Variants in ARID5B observed in about 807,000 individuals in gnomAD.
ARID5B encodes the protein AT-rich interaction domain 5B.
Under a neutral mutation model 97.2 loss-of-function variants are expected in ARID5B, and 13 were observed. That is an observed-to-expected ratio of 0.13 (90% CI 0.09 to 0.21). The LOEUF is 0.21. ARID5B is among the 10% of genes least tolerant of loss of function. The pLI, the probability that ARID5B is intolerant of heterozygous loss-of-function variation, is 1.00. For synonymous variants in ARID5B, 556 were observed against 570.3 expected (o/e 0.97, Z 0.36); for missense variants, 1,210 against 1,465.3 (o/e 0.83, Z 2.84).
Position 62,095,083 on chromosome 10 carries a change from AT to A in ARID5B, c.*2056del. 1 of 229,090 alleles carries A rather than the reference AT, an allele frequency of 4.4e-6. No individual in the cohort carries two copies. Among genetic ancestry groups the A allele is most frequent in the Non-Finnish European group, 8.7e-6 (1 of 115,342 alleles). 14.2% of individuals were successfully genotyped at this position (229,090 alleles called of 1,614,324 possible). On this transcript the variant is annotated 3_prime_UTR_variant, in exon 10 of 10. Coordinates refer to ENST00000279873, the MANE Select transcript of ARID5B (RefSeq NM_032199.3). ...AGAGTTCCATTTGCTTCAATTAATT[AT>A]TTACCTTCCTGTGGAATAATATATA...
At chr10:62,027,790 CCTT>C (rs1260911076) in intron 4 of ARID5B, among the ~76,000 whole-genome samples, 1 of 152,142 alleles carries the variant, frequency 6.6e-6, no homozygotes, top group African/African-American at 2.4e-5. Context: ...GCCAATTTCT[CCTT>C]CTATTCTGGA....
intron 3 of ARID5B, among the ~76,000 whole-genome samples, chr10:61,980,489 A>T (rs1239535877): frequency 6.6e-6 from 1 of 152,202 alleles, no homozygotes. Context: ...TTCCTGTGGA[A>T]CAACTGGGAG....
intron 3 of ARID5B, among the ~76,000 whole-genome samples, chr10:61,951,401 C>T (rs190895081): frequency 6.6e-5 from 10 of 152,274 alleles, no homozygotes; most frequent in Admixed American, 1.3e-4. Context: ...AACTCTCTTC[C>T]GTTGGGCAGC....
At chr10:62,078,571 T>G (rs1339471577) in intron 8 of ARID5B, among the ~76,000 whole-genome samples, 1 of 152,092 alleles carries the variant, frequency 6.6e-6, no homozygotes, top group Non-Finnish European at 1.5e-5. Flanking sequence ...TTGAGAAGAG[T>G]CATTGCTGCA....
At chr10:61,968,157 A>G (rs539744875) in intron 3 of ARID5B, among the ~76,000 whole-genome samples, 1 of 141,006 alleles carries the variant, frequency 7.1e-6, no homozygotes, top group East Asian at 2.0e-4. Context: ...TACATTTAAC[A>G]TGGCAAGTCA....
intron 3 of ARID5B, among the ~76,000 whole-genome samples, chr10:61,960,210 T>A (rs1488654008): frequency 6.6e-6 from 1 of 152,192 alleles, no homozygotes; most frequent in Non-Finnish European, 1.5e-5. Context: ...AGACAATAGG[T>A]AATATTCATT....
At chr10:61,992,227 T>C (rs370119423) in intron 3 of ARID5B, among the ~76,000 whole-genome samples, 1 of 152,210 alleles carries the variant, frequency 6.6e-6, no homozygotes, top group East Asian at 1.9e-4. Flanking sequence ...TAAATGTGGC[T>C]AAGATGAACC....
intron 4 of ARID5B, among the ~76,000 whole-genome samples, chr10:62,011,793 T>C (rs544841616): frequency 6.6e-6 from 1 of 152,026 alleles, no homozygotes; most frequent in South Asian, 2.1e-4. Context: ...GTTAGCAGAG[T>C]AGTGAATGAA....
chr10:61,996,963 A>G (rs1403077610), intron 3 of ARID5B, among the ~76,000 whole-genome samples: 1 of 151,974 alleles, frequency 6.6e-6, no homozygotes, highest in African/African-American at 2.4e-5. Flanking sequence ...AAAAAAGTAA[A>G]CTCAGAGTTA....
chr10:61,948,659 C>A (rs1210144402), intron 3 of ARID5B, among the ~76,000 whole-genome samples: 1 of 152,138 alleles, frequency 6.6e-6, no homozygotes, highest in Non-Finnish European at 1.5e-5. Context: ...AGCCACCATG[C>A]CCAGCTGAGG....
At chr10:62,046,599 G>A (rs1839711490) in intron 4 of ARID5B, 2 of 152,204 alleles carry the variant, frequency 1.3e-5, no homozygotes, top group Admixed American at 6.5e-5. Context: ...AACACCTATA[G>A]AAATAGCAGT....
chr10:62,004,096 A>C (rs1342467322), intron 4 of ARID5B, among the ~76,000 whole-genome samples: 1 of 152,196 alleles, frequency 6.6e-6, no homozygotes, highest in Non-Finnish European at 1.5e-5. Flanking sequence ...AATTGAGTAA[A>C]TATATCCTGG....
intron 3 of ARID5B, among the ~76,000 whole-genome samples, chr10:61,976,834 G>C (rs535646545): frequency 5.6e-4 from 84 of 149,222 alleles, no homozygotes; most frequent in African/African-American, 2.0e-3. Flanking sequence ...ATTCATTTGT[G>C]TTTGTGGGAG....
chr10:62,085,841 G>T lies in ARID5B; in HGVS notation c.1339G>T (p.Glu447Ter). The change falls in exon 9 of 10, where the codon GAA becomes TAA. Residue 447 changes from glutamate (E) to a stop codon, truncating the protein, a stop_gained. Transcript: ENST00000279873. LOFTEE classifies it high-confidence loss of function. ...KVSGTKRIKH[E>*]IPKSKKEKEN... ...ATCTGGAACCAAACGCATCAAACATGAAATACCTAAAAGCAAGAAAGAAAA... is the reference window on the plus strand; with the variant it reads ...ATCTGGAACCAAACGCATCAAACATTAAATACCTAAAAGCAAGAAAGAAAA... The T allele has an allele frequency of 6.2e-7, 1 of 1,614,022 alleles. No homozygotes were observed. Among genetic ancestry groups the T allele is most frequent in the Non-Finnish European group, 8.5e-7 (1 of 1,180,016 alleles).
At chr10:61,908,643 C>CA (rs1453251801) in intron 2 of ARID5B, among the ~76,000 whole-genome samples, 5 of 151,572 alleles carry the variant, frequency 3.3e-5, no homozygotes, top group Admixed American at 2.6e-4. Flanking sequence ...ACTAAAAATA[C>CA]AAAAAAATTA....
chr10:62,042,911 T>TC (rs1371858241), intron 4 of ARID5B, among the ~76,000 whole-genome samples: 4 of 29,384 alleles, frequency 1.4e-4, no homozygotes, highest in African/African-American at 4.2e-4. Context: ...CGAGAGTCTG[T>TC]CCCAAAAAAA....
chr10:61,969,660 C>T (rs1838597224), intron 3 of ARID5B, among the ~76,000 whole-genome samples: 1 of 152,150 alleles, frequency 6.6e-6, no homozygotes, highest in Non-Finnish European at 1.5e-5. Flanking sequence ...ATCTCTAGAC[C>T]TGCCATGAGT....
At chr10:61,984,560 G>A (rs74932148) in intron 3 of ARID5B, among the ~76,000 whole-genome samples, 40 of 151,718 alleles carry the variant, frequency 2.6e-4, no homozygotes, top group Non-Finnish European at 4.0e-4. Context: ...GGCAGCAGGT[G>A]GGGGGGGCCT....
At chr10:62,024,185 C>A (rs951230721) in intron 4 of ARID5B, among the ~76,000 whole-genome samples, 4 of 152,138 alleles carry the variant, frequency 2.6e-5, no homozygotes, top group African/African-American at 9.7e-5. Flanking sequence ...CCTGATTAAA[C>A]CTTATGGAAT....
Sources: gnomAD v4.1 joint callset for allele counts (sites outside exome capture counted in the v4.1 genomes callset) on GRCh38, gnomAD v4.1.1 for gene constraint, MANE v1.5 for transcripts, NCBI Gene and HGNC (gene_info 2026-07-23, HGNC 2026-07-21) for gene names.